Variants in PREP observed in about 807,000 individuals in gnomAD.
The protein encoded by PREP is dJ355L5.1 (prolyl endopeptidase).
Under a neutral mutation model 87.6 loss-of-function variants are expected in PREP, and 29 were observed. The ratio of observed to expected loss-of-function variants is 0.33; its 90% CI spans 0.25 to 0.45. The LOEUF (loss-of-function observed/expected upper bound fraction) is 0.45. Among genes scored for constraint, PREP ranks in the 20% least tolerant of loss-of-function variants. The pLI, the probability that PREP is intolerant of heterozygous loss-of-function variation, is 1.00. For synonymous variants in PREP, 337 were observed against 328.6 expected (o/e 1.03, Z -0.28); for missense variants, 695 against 886.5 (o/e 0.78, Z 2.74).
intron 10 of PREP, among the ~76,000 whole-genome samples, chr6:105,323,454 A>T (rs1417041987): frequency 1.3e-5 from 2 of 152,130 alleles, no homozygotes; most frequent in African/African-American, 4.8e-5. Flanking sequence ...CAGCCATAGG[A>T]GCAGAACCTG....
intron 2 of PREP, among the ~76,000 whole-genome samples, chr6:105,392,067 C>T (rs1392188255): frequency 1.5e-5 from 2 of 134,170 alleles, no homozygotes; most frequent in African/African-American, 2.8e-5. Context: ...TTTTTTGAGA[C>T]GGAGTCTGGC....
intron 7 of PREP, 50 bp downstream of exon 7, chr6:105,352,922 T>C (rs1449845967): frequency 1.3e-6 from 2 of 1,482,032 alleles, no homozygotes; most frequent in Non-Finnish European, 1.9e-6. Context: ...ATAATACTTT[T>C]TAAATGAAGT....
intron 10 of PREP, among the ~76,000 whole-genome samples, chr6:105,313,063 G>C (rs1770792203): frequency 6.6e-6 from 1 of 152,122 alleles, no homozygotes; most frequent in Non-Finnish European, 1.5e-5. Context: ...CTTACATTGA[G>C]TCAGCACAGA....
chr6:105,309,014 G>A (rs1214716774), intron 10 of PREP, among the ~76,000 whole-genome samples: 1 of 152,122 alleles, frequency 6.6e-6, no homozygotes, highest in African/African-American at 2.4e-5. Context: ...CAGGCAGAGG[G>A]GAGGGGTGGA....
intron 3 of PREP, among the ~76,000 whole-genome samples, chr6:105,376,836 G>A (rs1772699595): frequency 6.6e-6 from 1 of 152,204 alleles, no homozygotes; most frequent in South Asian, 2.1e-4. Context: ...CCAGGGTTTG[G>A]TAGGCAGACT....
chr6:105,373,668 C>T, intron 4 of PREP, 90 bp from the exon 5 acceptor site: 1 of 1,256,868 alleles, frequency 8.0e-7, no homozygotes, highest in African/African-American at 1.5e-5. Flanking sequence ...TCTTTCATAA[C>T]ACGGAGGTAG....
At chr6:105,370,947 A>T (rs558087384) in intron 5 of PREP, among the ~76,000 whole-genome samples, 1 of 152,232 alleles carries the variant, frequency 6.6e-6, no homozygotes, top group Non-Finnish European at 1.5e-5. Flanking sequence ...CACTGGATAC[A>T]TGTCACTATA....
chr6:105,362,821 A>T (rs1043435686), intron 6 of PREP, among the ~76,000 whole-genome samples: 3 of 152,288 alleles, frequency 2.0e-5, no homozygotes, highest in Admixed American at 2.0e-4. Flanking sequence ...AGGGCTACTG[A>T]GCAATTACTG....
At chr6:105,385,913 A>G (rs1772982013) in intron 2 of PREP, among the ~76,000 whole-genome samples, 1 of 152,192 alleles carries the variant, frequency 6.6e-6, no homozygotes, top group African/African-American at 2.4e-5. Flanking sequence ...CGAGGTCAGG[A>G]GATCGAGACC....
chr6:105,402,793 G>A lies in PREP; in HGVS notation c.45+54C>T. The A allele has an allele frequency of 6.1e-6, 9 of 1,478,772 alleles. No individual in the cohort carries two copies. The East Asian group carries it at 7.7e-5, about 13-fold the overall frequency. 91.6% of individuals were successfully genotyped at this position (1,478,772 alleles called of 1,614,324 possible). On this transcript the variant is annotated intron_variant, in intron 1 of 14. Transcript: ENST00000652536. ...AGGAGCTGCGGGTGCCACGGGTCAG[G>A]CAGGCTGGGCACCTTTGCCCGGGAG... is the stretch of plus-strand genomic sequence containing the variant.
intron 10 of PREP, among the ~76,000 whole-genome samples, chr6:105,294,676 C>G (rs1017488151): frequency 6.6e-6 from 1 of 152,168 alleles, no homozygotes; most frequent in East Asian, 1.9e-4. Flanking sequence ...TGAGACAAAC[C>G]AACAGCACAA....
chr6:105,383,678 C>G (rs767601680), intron 2 of PREP, among the ~76,000 whole-genome samples: 4 of 152,098 alleles, frequency 2.6e-5, no homozygotes, highest in Non-Finnish European at 5.9e-5. Flanking sequence ...TGCTTGTCCC[C>G]GTGTGGGTAA....
intron 7 of PREP, among the ~76,000 whole-genome samples, chr6:105,339,006 A>G (rs7749193): frequency 0.21 from 31,750 of 152,162 alleles, 5,121 homozygotes; most frequent in African/African-American, 0.46. Context: ...AGACTTAAAC[A>G]TCCCTGTCTG....
intron 7 of PREP, among the ~76,000 whole-genome samples, chr6:105,339,304 A>G (rs1287727450): frequency 6.6e-6 from 1 of 152,246 alleles, no homozygotes; most frequent in African/African-American, 2.4e-5. Flanking sequence ...AAACTCCAAC[A>G]GACCTGCAGC....
chr6:105,361,439 A>AT (rs1772244672), intron 6 of PREP, among the ~76,000 whole-genome samples: 1 of 152,066 alleles, frequency 6.6e-6, no homozygotes, highest in African/African-American at 2.4e-5. Flanking sequence ...CTTTAGTATA[A>AT]TTTTTTTCTC....
In PREP at chr6:105,277,316, C is replaced by T. The variant is rs1488753877; in HGVS notation, c.*828G>A. On this transcript the variant is annotated 3_prime_UTR_variant, in exon 15 of 15. Transcript: ENST00000652536. ...TGTTTGGATAATTTACTCATGTGAT[C>T]TCTTGGAACCAAGGATCCTTGGATC... Among the ~76,000 whole-genome samples, 1 of 152,100 alleles carries T rather than the reference C, an allele frequency of 6.6e-6. No homozygotes were observed. Among genetic ancestry groups the T allele is most frequent in the African/African-American group, 2.4e-5 (1 of 41,394 alleles).
intron 1 of PREP, among the ~76,000 whole-genome samples, chr6:105,398,842 T>C (rs533557151): frequency 1.3e-5 from 2 of 152,282 alleles, no homozygotes; most frequent in East Asian, 3.9e-4. Context: ...GTGCAGTGGC[T>C]CACAGCCATA....
At chr6:105,353,771 C>CTAA (rs1772021262) in intron 6 of PREP, among the ~76,000 whole-genome samples, 1 of 71,054 alleles carries the variant, frequency 1.4e-5, no homozygotes, top group African/African-American at 4.2e-5. Flanking sequence ...GACTCCATCT[C>CTAA]AAAAAAAAAA....
intron 12 of PREP, among the ~76,000 whole-genome samples, chr6:105,284,302 G>A (rs1407289): frequency 6.6e-6 from 1 of 152,138 alleles, no homozygotes; most frequent in African/African-American, 2.4e-5. Flanking sequence ...GGAGTCTGCT[G>A]TCAGCCCCTG....
Sources: gnomAD v4.1 joint callset for allele counts (sites outside exome capture counted in the v4.1 genomes callset) on GRCh38, gnomAD v4.1.1 for gene constraint, MANE v1.5 for transcripts, NCBI Gene and HGNC (gene_info 2026-07-23, HGNC 2026-07-21) for gene names.